PRRC2A: variants seen among roughly 807,000 people sequenced by gnomAD.
PRRC2A encodes the protein proline rich coiled-coil 2A.
Under a neutral mutation model 224.6 loss-of-function variants are expected in PRRC2A, and 59 were observed. That is an observed-to-expected ratio of 0.26 (90% CI 0.21 to 0.33). The LOEUF (loss-of-function observed/expected upper bound fraction) is 0.33. PRRC2A is among the 10% of genes least tolerant of loss of function. The probability of loss-of-function intolerance (pLI) is 1.00; values close to 1 mark genes in which losing one functional copy is unlikely to be tolerated. For synonymous variants in PRRC2A, 1,194 were observed against 1,109.5 expected (o/e 1.08, Z -1.51); for missense variants, 3,095 against 2,880.7 (o/e 1.07, Z -1.70).
At position 31,631,887 on chromosome 6, in the gene PRRC2A, G is replaced by T; in HGVS notation, c.3214G>T (p.Gly1072Ter). Residue 1072 changes from glycine (G) to a stop codon, truncating the protein, a stop_gained, in exon 16 of 31, where the codon GGA (glycine) becomes TGA (stop). Transcript: ENST00000376033. LOFTEE classifies it high-confidence loss of function. This position sits in a 1 kb window ranked among gnomAD's most constrained non-coding sequence, Gnocchi z 4.5. ...GDDGRGGGTG[G>*]PNHPPAPRGR... ...TGATGGGCGTGGAGGTGGGACAGGG[G>T]GACCAAACCACCCTCCTGCTCCCCG... 1 of 1,611,288 alleles carries T rather than the reference G, an allele frequency of 6.2e-7. No homozygotes were observed. The highest frequency in any genetic ancestry group is 2.2e-5 in the East Asian group (1 of 44,814).
At chr6:31,635,335 G>C (rs1229398369) in intron 22 of PRRC2A, 59 bp from the exon 23 acceptor site, 32 of 1,613,632 alleles carry the variant, frequency 2.0e-5, no homozygotes, top group Non-Finnish European at 2.5e-5. Flanking sequence ...ACTAAAGGTG[G>C]GACATAGAGG....
Position 31,636,870 on chromosome 6 carries a change from G to T in PRRC2A, c.6072G>T (p.Arg2024=), listed in dbSNP as rs1232854061. The T allele has an allele frequency of 6.2e-7, 1 of 1,612,872 alleles. No individual in the cohort carries two copies. The highest frequency in any genetic ancestry group is 1.1e-5 in the South Asian group (1 of 91,082). The change falls in exon 28 of 31, where the codon CGG becomes CGT. Residue 2024 remains arginine, a synonymous_variant. Coordinates refer to ENST00000376033, the MANE Select transcript of PRRC2A (RefSeq NM_004638.4). The surrounding 1 kb of genome is among the most constrained non-coding windows in gnomAD (Gnocchi z 4.3). ...TGCAGCCCCCCAGCCTGGCTGTGCGGCCCCCACCTGCTCCTGCTACTCGGG... is the reference window on the plus strand; with the variant it reads ...TGCAGCCCCCCAGCCTGGCTGTGCGTCCCCCACCTGCTCCTGCTACTCGGG... ...PALQPPSLAV[R]PPPAPATRVL... is the part of the protein sequence containing the mutation.
intron 9 of PRRC2A, among the ~76,000 whole-genome samples, chr6:31,626,569 AAG>A (rs950394064): frequency 3.9e-5 from 6 of 151,916 alleles, no homozygotes; most frequent in Admixed American, 6.6e-5. Context: ...AAAAAAAAAA[AAG>A]AGTAGGGGAG....
rs115932182 is a variant in PRRC2A at position 31,634,479 on chromosome 6, C to G, written c.4857C>G (p.Ser1619Arg). ...HIWNRLHTATSRKSYRPSSME... is the reference protein window; with the variant it reads ...HIWNRLHTATRRKSYRPSSME... Reference sequence around the variant, plus strand: ...TGGTGCTCCCTTCTCCAGCCACTAGCCGAAAGAGTTACCGGCCCAGCTCCA... The same window carrying G: ...TGGTGCTCCCTTCTCCAGCCACTAGGCGAAAGAGTTACCGGCCCAGCTCCA... Residue 1619 changes from serine (S) to arginine (R), a missense_variant, in exon 20 of 31, where the codon AGC becomes AGG. Around this residue, in one of 8 missense-constraint regions of PRRC2A, gnomAD observed 2,001 missense variants for 1,764.9 expected, o/e 1.13. Transcript: ENST00000376033. The G allele has an allele frequency of 6.2e-7, 1 of 1,612,942 alleles. No individual in the cohort carries two copies. Among genetic ancestry groups the G allele is most frequent in the Non-Finnish European group, 8.5e-7 (1 of 1,179,972 alleles).
rs776432307 is a variant in PRRC2A at position 31,629,139 on chromosome 6, T to C, written c.1766-5T>C. 6 of 1,613,788 alleles carry C rather than the reference T, an allele frequency of 3.7e-6. No homozygotes were observed. The highest frequency in any genetic ancestry group is 1.3e-5 in the African/African-American group (1 of 74,884). On this transcript the variant is annotated splice_region_variant and splice_polypyrimidine_tract_variant and intron_variant, in intron 12 of 30. Coordinates refer to ENST00000376033, the MANE Select transcript of PRRC2A (RefSeq NM_004638.4). Reference sequence around the variant, plus strand: ...GATCACTCTGTTGTGTTTTTTCCGATGCAGTGGAACCACAACTGCCCTCAA... The same window carrying C: ...GATCACTCTGTTGTGTTTTTTCCGACGCAGTGGAACCACAACTGCCCTCAA...
intron 24 of PRRC2A, 106 bp downstream of exon 24, chr6:31,635,855 C>T: frequency 1.4e-6 from 2 of 1,449,906 alleles, no homozygotes; most frequent in Non-Finnish European, 1.9e-6. Flanking sequence ...TTGTGAGATA[C>T]CACTTTGTCA....
rs1309319545 is a variant in PRRC2A, at chr6:31,631,590, G to T, written c.2917G>T (p.Asp973Tyr). The T allele has an allele frequency of 6.4e-7, 1 of 1,560,472 alleles. No individual in the cohort carries two copies. The highest frequency in any genetic ancestry group is 2.1e-5 in the Admixed American group (1 of 48,272). Residue 973 changes from aspartate (D) to tyrosine (Y), a missense_variant, in exon 16 of 31, where the codon GAT becomes TAT. Physicochemically the swap from Asp to Tyr is radical, Grantham distance 160. Transcript: ENST00000376033. This position sits in a 1 kb window ranked among gnomAD's most constrained non-coding sequence, Gnocchi z 4.5. ...ELPPKPLEQG[D>Y]ETPKPPKPDP... is the part of the protein sequence containing the mutation. Reference sequence around the variant, plus strand: ...GCCTCCCAAGCCCCTCGAACAGGGGGATGAAACCCCCAAACCCCCAAAGCC... The same window carrying T: ...GCCTCCCAAGCCCCTCGAACAGGGGTATGAAACCCCCAAACCCCCAAAGCC...
Position 31,632,065 on chromosome 6 carries a change from C to A in PRRC2A, c.3392C>A (p.Thr1131Lys), listed in dbSNP as rs760905027. The change falls in exon 16 of 31, where the codon ACA becomes AAA. Residue 1131 changes from threonine (T) to lysine (K), a missense_variant. Coordinates refer to ENST00000376033, the MANE Select transcript of PRRC2A (RefSeq NM_004638.4). ...GAGGCTCCCACACCCAAGGAGGGAA[C>A]ACTCACCCAGGTCCCTCTCGCTCCC... ...DKEAPTPKEGTLTQVPLAPPP... is the reference protein window; with the variant it reads ...DKEAPTPKEGKLTQVPLAPPP... The A allele has an allele frequency of 1.3e-6, 2 of 1,568,616 alleles. No homozygotes were observed. The highest frequency in any genetic ancestry group is 2.7e-5 in the African/African-American group (2 of 73,816).
At position 31,624,992 on chromosome 6, in the gene PRRC2A, G is replaced by C. The variant is rs183963371; in HGVS notation, c.464-179G>C. 1.9e-4 allele frequency: 129 copies of C among 672,446 alleles called. No homozygotes were observed. The East Asian group carries it at 2.9e-3, about 15-fold the overall frequency. The allele number at this position is 672,446 out of a possible 1,614,324, so 41.7% of individuals were successfully genotyped here. On this transcript the variant is annotated intron_variant, in intron 5 of 30. Transcript: ENST00000376033. ...TTTTGTGTGTTTTTAGTAGAGATGG[G>C]GTTTCACATGTTGGCCAGGATGGTC...
In PRRC2A at chr6:31,633,276, T is replaced by A. The variant is rs921081057; in HGVS notation, c.4320-103T>A. 1.5e-5 allele frequency: 22 copies of A among 1,492,326 alleles called. No individual in the cohort carries two copies. In the South Asian group the frequency reaches 2.9e-4, roughly 19 times the overall value. 92.4% of individuals were successfully genotyped at this position (1,492,326 alleles called of 1,614,324 possible). On this transcript the variant is annotated intron_variant, in intron 16 of 30. Transcript: ENST00000376033. ...GAAGGACTCAAAAACACCTGGACTTTAATAGGGAAGAGAATAGGTTGTAAG... is the reference window on the plus strand; with the variant it reads ...GAAGGACTCAAAAACACCTGGACTTAAATAGGGAAGAGAATAGGTTGTAAG...
Position 31,635,419 on chromosome 6 carries a change from G to A in PRRC2A, c.5327G>A (p.Gly1776Glu), listed in dbSNP as rs1777220188. The A allele has an allele frequency of 6.2e-7, 1 of 1,614,260 alleles. No homozygotes were observed. ...GACTCAGACTTACGCCTAGTGGTAG[G>A]AGACAGCTTGAAAGCAGAGAAGGAG... ...DKDSDLRLVV[G>E]DSLKAEKELT... The change falls in exon 23 of 31, where the codon GGA (glycine) becomes GAA (glutamate). Residue 1776 changes from glycine to glutamate, a missense_variant. By Grantham distance (98) the Gly-to-Glu change is moderately conservative. Around this residue, in one of 8 missense-constraint regions of PRRC2A, gnomAD observed 662 missense variants for 609.5 expected, o/e 1.09. Coordinates refer to ENST00000376033, the MANE Select transcript of PRRC2A (RefSeq NM_004638.4).
At position 31,637,114 on chromosome 6, in the gene PRRC2A, T is replaced by C; in HGVS notation, c.6220T>C (p.Ser2074Pro). The change falls in exon 29 of 31, where the codon TCA becomes CCA. Residue 2074 changes from serine (S) to proline (P), a missense_variant. By Grantham distance (74) the Ser-to-Pro change is moderately conservative. Coordinates refer to ENST00000376033, the MANE Select transcript of PRRC2A (RefSeq NM_004638.4). ...LSSNLGGPGS[S>P]RTPPTGRSFS... ...CAGCAACCTTGGGGGACCTGGATCA[T>C]CACGGACTCCCCCAACTGGAAGGTG... 1 of 1,611,208 alleles carries C rather than the reference T, an allele frequency of 6.2e-7. No homozygotes were observed. The highest frequency in any genetic ancestry group is 1.3e-5 in the African/African-American group (1 of 74,970).
chr6:31,632,593 C>T lies in PRRC2A; in HGVS notation c.3920C>T (p.Pro1307Leu), dbSNP rs1175072695. The T allele has an allele frequency of 1.2e-6, 2 of 1,612,962 alleles. No homozygotes were observed. The highest frequency in any genetic ancestry group is 2.2e-5 in the East Asian group (1 of 44,894). The stretch of plus-strand genomic sequence containing the variant: ...CCTCGCCGGGCAGCTGCCAAGTCTC[C>T]TGATCTGTCAAACCAGAACTCAGAC... Reference protein sequence around the residue: ...PAPRRAAAKSPDLSNQNSDQA... With the variant: ...PAPRRAAAKSLDLSNQNSDQA... The change falls in exon 16 of 31, where the codon CCT becomes CTT. Residue 1307 changes from proline to leucine, a missense_variant. Physicochemically the swap from Pro to Leu is moderately conservative, Grantham distance 98. This residue lies in a region of PRRC2A where 2,001 missense variants were observed against 1,764.9 expected (regional missense o/e 1.13). Coordinates refer to ENST00000376033, the MANE Select transcript of PRRC2A (RefSeq NM_004638.4).
rs1776814771 is a variant in PRRC2A, at chr6:31,632,827, TCTC to T, written c.4155_4157del (p.Phe1385_Ser1386delinsLeu). 1.2e-6 allele frequency: 2 copies of T among 1,612,942 alleles called. No individual in the cohort carries two copies. The highest frequency in any genetic ancestry group is 3.3e-5 in the Admixed American group (2 of 59,990). ...GCCAAGGATTTGAGTAAACGGAGCT[TCTC>T]AAGTCAGCGGCCAGGCATGGAACGG... On this transcript the variant is annotated inframe_deletion, in exon 16 of 31. Coordinates refer to ENST00000376033, the MANE Select transcript of PRRC2A (RefSeq NM_004638.4).
In PRRC2A at chr6:31,636,197, A is replaced by C. The variant is rs1561841875; in HGVS notation, c.5625-12A>C. ...CTTCCTAACAGCTTTTCTCCCCACA[A>C]TTTATTTTCAGATCACAGCCCCTAT... is the stretch of plus-strand genomic sequence containing the variant. On this transcript the variant is annotated splice_polypyrimidine_tract_variant and intron_variant, in intron 25 of 30. Coordinates refer to ENST00000376033, the MANE Select transcript of PRRC2A (RefSeq NM_004638.4). The surrounding 1 kb of genome is among the most constrained non-coding windows in gnomAD (Gnocchi z 4.3). 6.2e-7 allele frequency: 1 copy of C among 1,610,128 alleles called. No individual in the cohort carries two copies. The highest frequency in any genetic ancestry group is 1.7e-5 in the Admixed American group (1 of 59,972).
Position 31,633,394 on chromosome 6 carries a change from G to T in PRRC2A, c.4335G>T (p.Glu1445Asp), listed in dbSNP as rs1430387953. 1 of 1,612,774 alleles carries T rather than the reference G, an allele frequency of 6.2e-7. No homozygotes were observed. The highest frequency in any genetic ancestry group is 1.1e-5 in the South Asian group (1 of 91,072). The change falls in exon 17 of 31, where the codon GAG (glutamate) becomes GAT (aspartate). Residue 1445 changes from glutamate (E) to aspartate (D), a missense_variant. Glu to Asp is a conservative substitution (Grantham distance 45, BLOSUM62 2). This residue lies in a region of PRRC2A where 2,001 missense variants were observed against 1,764.9 expected (regional missense o/e 1.13). Coordinates refer to ENST00000376033, the MANE Select transcript of PRRC2A (RefSeq NM_004638.4). Reference sequence around the variant, plus strand: ...TTTTCTCCAGTCGTCCTCCAGAGGAGCGTCCCCCGGGGCTTCCCCTGCCTC... The same window carrying T: ...TTTTCTCCAGTCGTCCTCCAGAGGATCGTCCCCCGGGGCTTCCCCTGCCTC... ...SPKNRSRPPE[E>D]RPPGLPLPPP...
Position 31,629,796 on chromosome 6 carries a change from C to T in PRRC2A, c.2205C>T (p.Leu735=). The T allele has an allele frequency of 1.2e-6, 2 of 1,613,798 alleles. No homozygotes were observed. Among genetic ancestry groups the T allele is most frequent in the Non-Finnish European group, 1.7e-6 (2 of 1,179,764 alleles). ...MIPPYVDPRL[L]QGRPPLDFYP... ...CTCCTTATGTGGACCCCCGGCTCCTCCAGGGTCGTCCCCCTCTAGACTTCT... is the reference window on the plus strand; with the variant it reads ...CTCCTTATGTGGACCCCCGGCTCCTTCAGGGTCGTCCCCCTCTAGACTTCT... Residue 735 remains leucine (L), a synonymous_variant, in exon 14 of 31, where the codon CTC becomes CTT. Coordinates refer to ENST00000376033, the MANE Select transcript of PRRC2A (RefSeq NM_004638.4).
Position 31,628,074 on chromosome 6 carries a change from C to G in PRRC2A, c.1600C>G (p.Pro534Ala). Residue 534 changes from proline to alanine, a missense_variant, in exon 12 of 31, where the codon CCA (proline) becomes GCA (alanine). This residue lies in a region of PRRC2A where 2,001 missense variants were observed against 1,764.9 expected (regional missense o/e 1.13). Transcript: ENST00000376033. ...VPKELPAPPAPPPASAPTPET... is the reference protein window; with the variant it reads ...VPKELPAPPAAPPASAPTPET... ...TAAAGAACTCCCTGCACCTCCAGCT[C>G]CACCTCCAGCATCAGCCCCAACACC... 3.1e-6 allele frequency: 5 copies of G among 1,612,944 alleles called. No individual in the cohort carries two copies. The highest frequency in any genetic ancestry group is 4.2e-6 in the Non-Finnish European group (5 of 1,179,910).
Position 31,636,942 on chromosome 6 carries a change from AGAGGT to A in PRRC2A, c.6145_6147+2del. 6.2e-7 allele frequency: 1 copy of A among 1,612,734 alleles called. No homozygotes were observed. Among genetic ancestry groups the A allele is most frequent in the South Asian group, 1.1e-5 (1 of 91,044 alleles). Reference sequence around the variant, plus strand: ...CCTTCCCCGCTAGCTTGGGGCGAGCAGAGGTAAGGTACAGGAACTGAGGGGCTAGG... The same window carrying A: ...CCTTCCCCGCTAGCTTGGGGCGAGCAAAGGTACAGGAACTGAGGGGCTAGG... On this transcript the variant is annotated splice_donor_variant and coding_sequence_variant, in exon 28 of 31. Transcript: ENST00000376033. LOFTEE classifies it high-confidence loss of function. This position sits in a 1 kb window ranked among gnomAD's most constrained non-coding sequence, Gnocchi z 4.3.
Sources: gnomAD v4.1 joint callset for allele counts (sites outside exome capture counted in the v4.1 genomes callset) on GRCh38, gnomAD v4.1.1 for gene constraint, gnomAD v4.1.1 regional missense constraint, Gnocchi (gnomAD v3.1) non-coding constraint, MANE v1.5 for transcripts, NCBI Gene and HGNC (gene_info 2026-07-23, HGNC 2026-07-21) for gene names.